Variants in IL11 observed in about 807,000 individuals in gnomAD.
The protein encoded by IL11 is interleukin-11.
A neutral mutation model predicts 18.1 loss-of-function variants in IL11; 17 were observed. That is an observed-to-expected ratio of 0.94 (90% confidence interval 0.64 to 1.41). The LOEUF (loss-of-function observed/expected upper bound fraction) is 1.41, where lower values mean the gene tolerates loss of function less well. Ranked by LOEUF, IL11 falls within the 40% of genes most tolerant of loss-of-function variation. The pLI is 0.00. For missense variants in IL11, 309 were observed against 262.8 expected (o/e 1.18, Z -1.22); for synonymous variants, 144 against 134.1 (o/e 1.07, Z -0.51).
At position 55,366,785 on chromosome 19, in the gene IL11, C is replaced by T. The variant is rs1244657053; in HGVS notation, c.430-608G>A. ...CGAAATGGCACCATTGCACTCTAGC[C>T]TGGGCAACAGAGCGCGAGACTCTGT... On this transcript the variant is annotated intron_variant, in intron 4 of 4. Transcript: ENST00000264563. This position sits in a 1 kb window ranked among gnomAD's most constrained non-coding sequence, Gnocchi z 4.6. 6.6e-6 allele frequency among the ~76,000 whole-genome samples: 1 copy of T among 152,088 alleles called. No homozygotes were observed. Among genetic ancestry groups the T allele is most frequent in the Non-Finnish European group, 1.5e-5 (1 of 68,020 alleles).
intron 2 of IL11, 52 bp downstream of exon 2, chr19:55,368,717 C>G (rs2089802083): frequency 5.9e-6 from 9 of 1,525,736 alleles, no homozygotes; most frequent in South Asian, 2.4e-5. Context: ...GACTCCTCTC[C>G]GTTCCTCTCT....
chr19:55,365,891 C>T lies in IL11; in HGVS notation c.*116G>A, dbSNP rs2089782005. On this transcript the variant is annotated 3_prime_UTR_variant, in exon 5 of 5. Coordinates refer to ENST00000264563, the MANE Select transcript of IL11 (RefSeq NM_000641.4). ...CCCAGGCCTCACGGAAGGACTGTCT[C>T]TAACTAGGGGGAGATAATGGCGGGG... 6.7e-7 allele frequency: 1 copy of T among 1,494,694 alleles called. No individual in the cohort carries two copies. The highest frequency in any genetic ancestry group is 1.4e-5 in the African/African-American group (1 of 70,922). 92.6% of individuals were successfully genotyped at this position (1,494,694 alleles called of 1,614,324 possible).
chr19:55,368,384 CCGGGACAT>C lies in IL11; in HGVS notation c.268-21_268-14del, dbSNP rs765202032. The C allele has an allele frequency of 1.3e-6, 2 of 1,591,360 alleles. No homozygotes were observed. Among genetic ancestry groups the C allele is most frequent in the African/African-American group, 2.7e-5 (2 of 74,602 alleles). On this transcript the variant is annotated splice_polypyrimidine_tract_variant and intron_variant, in intron 3 of 4. Coordinates refer to ENST00000264563, the MANE Select transcript of IL11 (RefSeq NM_000641.4). ...GCACACCTGGGAGCTGGGGATAGAGCCGGGACATCAGAGAACACCCGACCAGTGCCCCT... is the reference window on the plus strand; with the variant it reads ...GCACACCTGGGAGCTGGGGATAGAGCCAGAGAACACCCGACCAGTGCCCCT...
At chr19:55,370,148 T>G (rs2089813685) in intron 1 of IL11, among the ~76,000 whole-genome samples, 156 bp downstream of exon 1, 1 of 151,628 alleles carries the variant, frequency 6.6e-6, no homozygotes, top group Non-Finnish European at 1.5e-5. Context: ...GCCCATCTCC[T>G]CCGCCGCCTC....
In IL11 at chr19:55,368,881, C is replaced by T. The variant is rs2123243169; in HGVS notation, c.68G>A (p.Gly23Glu). The change falls in exon 2 of 5, where the codon GGG becomes GAG. Residue 23 changes from glycine (G) to glutamate (E), a missense_variant. Gly to Glu is a moderately conservative substitution (Grantham distance 98). Coordinates refer to ENST00000264563, the MANE Select transcript of IL11 (RefSeq NM_000641.4). ...AACTCGAGGGGGGCCAGGTGGTGGC[C>T]CAGGGGCGACAGCTGTATCTGGCCA... ...SLWPDTAVAP[G>E]PPPGPPRVSP... 6.4e-7 allele frequency: 1 copy of T among 1,567,710 alleles called. No homozygotes were observed. The highest frequency in any genetic ancestry group is 8.6e-7 in the Non-Finnish European group (1 of 1,156,166).
Position 55,366,264 on chromosome 19 carries a change from G to A in IL11, c.430-87C>T. On this transcript the variant is annotated intron_variant, in intron 4 of 4. Coordinates refer to ENST00000264563, the MANE Select transcript of IL11 (RefSeq NM_000641.4). This position sits in a 1 kb window ranked among gnomAD's most constrained non-coding sequence, Gnocchi z 4.6. Reference sequence around the variant, plus strand: ...GTGCTGTGGAGCTGCAGCTGAATCGGGGCTGCATATTCACAGGGGGACTGT... The same window carrying A: ...GTGCTGTGGAGCTGCAGCTGAATCGAGGCTGCATATTCACAGGGGGACTGT... The A allele has an allele frequency of 7.2e-7, 1 of 1,382,040 alleles. No homozygotes were observed. The highest frequency in any genetic ancestry group is 2.8e-5 in the East Asian group (1 of 36,348). The allele number at this position is 1,382,040 out of a possible 1,614,324, so 85.6% of individuals were successfully genotyped here.
In IL11 at chr19:55,365,916, G is replaced by A; in HGVS notation, c.*91C>T. 1.3e-6 allele frequency: 2 copies of A among 1,534,676 alleles called. No individual in the cohort carries two copies. The highest frequency in any genetic ancestry group is 8.8e-7 in the Non-Finnish European group (1 of 1,138,940). On this transcript the variant is annotated 3_prime_UTR_variant, in exon 5 of 5. Coordinates refer to ENST00000264563, the MANE Select transcript of IL11 (RefSeq NM_000641.4). ...CTAACTAGGGGGAGATAATGGCGGG[G>A]GGATCACCTGGCTGTTTCGCCCCCA... is the stretch of plus-strand genomic sequence containing the variant.
Position 55,366,004 on chromosome 19 carries a change from G to A in IL11, c.*3C>T, listed in dbSNP as rs115572810. ...AAGGACGGTGGTGGCTTTGGGCCCC[G>A]GGTCACAGCCGAGTCTTCAGCAGCA... On this transcript the variant is annotated 3_prime_UTR_variant, in exon 5 of 5. Transcript: ENST00000264563. The surrounding 1 kb of genome is among the most constrained non-coding windows in gnomAD (Gnocchi z 4.6). The A allele has an allele frequency of 2.8e-5, 44 of 1,597,812 alleles. No individual in the cohort carries two copies. Among genetic ancestry groups the A allele is most frequent in the East Asian group, 6.8e-5 (3 of 44,256 alleles).
In IL11 at chr19:55,368,791, G is replaced by C. The variant is rs867906886; in HGVS notation, c.158C>G (p.Thr53Arg). 1 of 1,589,424 alleles carries C rather than the reference G, an allele frequency of 6.3e-7. No individual in the cohort carries two copies. Among genetic ancestry groups the C allele is most frequent in the African/African-American group, 1.3e-5 (1 of 74,872 alleles). ...VLLTRSLLAD[T>R]RQLAAQLRDK... ...TACCAGCTGTGCAGCCAGCTGCCGC[G>C]TGTCCGCCAGGAGAGAGCGGGTCAG... is the stretch of plus-strand genomic sequence containing the variant. The change falls in exon 2 of 5, where the codon ACG becomes AGG. Residue 53 changes from threonine (T) to arginine (R), a missense_variant. Thr to Arg is a moderately conservative substitution (Grantham distance 71, BLOSUM62 -1). Coordinates refer to ENST00000264563, the MANE Select transcript of IL11 (RefSeq NM_000641.4).
intron 4 of IL11, 41 bp downstream of exon 4, chr19:55,368,169 G>C: frequency 6.7e-7 from 1 of 1,482,022 alleles, no homozygotes; most frequent in Non-Finnish European, 9.0e-7. Flanking sequence ...TGGGGCCAGG[G>C]GTGGGGGTCT....
At chr19:55,368,076 T>C in intron 4 of IL11, 134 bp downstream of exon 4, 2 of 720,062 alleles carry the variant, frequency 2.8e-6, no homozygotes, top group South Asian at 3.7e-5. Flanking sequence ...CAGAGCGGGC[T>C]GTTAGGGTGT....
rs772874384 is a variant in IL11, at chr19:55,368,284, G to A, written c.355C>T (p.Leu119=). Residue 119 remains leucine (L), a synonymous_variant, in exon 4 of 5, where the codon CTG becomes TTG. Coordinates refer to ENST00000264563, the MANE Select transcript of IL11 (RefSeq NM_000641.4). ...CCCAGCTCGGGCTCCAGGGTCTTCA[G>A]GGAAGAGCCACCTGCCCGGCGCAGC... ...QWLRRAGGSS[L]KTLEPELGTL... The A allele has an allele frequency of 1.0e-5, 16 of 1,565,466 alleles. No individual in the cohort carries two copies. The South Asian group carries it at 1.8e-4, about 17-fold the overall frequency.
At chr19:55,367,450 CTTTTTTTT>C (rs980514763) in intron 4 of IL11, among the ~76,000 whole-genome samples, 1 of 69,816 alleles carries the variant, frequency 1.4e-5, no homozygotes, top group East Asian at 4.9e-4. Flanking sequence ...TCTTTTCCTT[CTTTTTTTT>C]TTTTTTTTTT....
rs2089777632 is a variant in IL11, at chr19:55,365,195, A to C, written c.*812T>G. 1 of 152,136 alleles carries C rather than the reference A, an allele frequency of 6.6e-6. No individual in the cohort carries two copies. 9.4% of individuals were successfully genotyped at this position (152,136 alleles called of 1,614,324 possible). A position where few individuals can be genotyped will look rare whatever the true frequency, so the allele number is the denominator to read the frequency against. The stretch of plus-strand genomic sequence containing the variant: ...TCTCTACTAAAAATACAAAAGAAAT[A>C]AATAATTAGCTGGGCATGGTGGTGC... On this transcript the variant is annotated 3_prime_UTR_variant, in exon 5 of 5. Transcript: ENST00000264563.
intron 4 of IL11, 99 bp downstream of exon 4, chr19:55,368,111 C>T: frequency 1.9e-6 from 2 of 1,063,400 alleles, no homozygotes; most frequent in Non-Finnish European, 1.3e-6. Flanking sequence ...GGGGCTGTTG[C>T]ACTCGGGTCT....
At position 55,369,012 on chromosome 19, in the gene IL11, T is replaced by A; in HGVS notation, c.8-71A>T. 1 of 1,375,924 alleles carries A rather than the reference T, an allele frequency of 7.3e-7. No homozygotes were observed. Among genetic ancestry groups the A allele is most frequent in the Non-Finnish European group, 9.7e-7 (1 of 1,033,758 alleles). The allele number at this position is 1,375,924 out of a possible 1,614,324, so 85.2% of individuals were successfully genotyped here. A position where few individuals can be genotyped will look rare whatever the true frequency, so the allele number is the denominator to read the frequency against. ...GAGAGAGGAGGGCCTGGGCCTGGAC[T>A]CCCGGGTCTGAGGGAGGAGGAACTG... On this transcript the variant is annotated intron_variant, in intron 1 of 4. Transcript: ENST00000264563. The surrounding 1 kb of genome is among the most constrained non-coding windows in gnomAD (Gnocchi z 6.1).
chr19:55,365,611 C>G lies in IL11; in HGVS notation c.*396G>C. The G allele has an allele frequency of 4.8e-6, 1 of 208,690 alleles. No homozygotes were observed. The highest frequency in any genetic ancestry group is 9.6e-6 in the Non-Finnish European group (1 of 104,606). The allele number at this position is 208,690 out of a possible 1,614,324, so 12.9% of individuals were successfully genotyped here. On this transcript the variant is annotated 3_prime_UTR_variant, in exon 5 of 5. Transcript: ENST00000264563. ...TTCTCTGTCTCACAAAGGTTTCTCA[C>G]ATTTTTGTACAAAAACCCAGGCTTC...
intron 1 of IL11, 55 bp downstream of exon 1, chr19:55,370,249 G>A: frequency 7.4e-7 from 1 of 1,352,262 alleles, no homozygotes; most frequent in Non-Finnish European, 1.0e-6. Flanking sequence ...CCCGCCGTGG[G>A]TCCCTCTCCT....
In IL11 at chr19:55,366,158, G is replaced by T. The variant is rs1414277901; in HGVS notation, c.449C>A (p.Pro150His). The change falls in exon 5 of 5, where the codon CCC becomes CAC. Residue 150 changes from proline to histidine, a missense_variant. Coordinates refer to ENST00000264563, the MANE Select transcript of IL11 (RefSeq NM_000641.4). This position sits in a 1 kb window ranked among gnomAD's most constrained non-coding sequence, Gnocchi z 4.6. The part of the protein sequence containing the change: ...LQLLMSRLAL[P>H]QPPPDPPAPP... ...CGCCGGCGGGTCCGGGGGTGGCTGG[G>T]GCAGGGCCAGGCGGGACATCTGTGG... The T allele has an allele frequency of 6.7e-7, 1 of 1,495,600 alleles. No homozygotes were observed. Among genetic ancestry groups the T allele is most frequent in the African/African-American group, 1.4e-5 (1 of 70,606 alleles). The allele number at this position is 1,495,600 out of a possible 1,614,324, so 92.6% of individuals were successfully genotyped here. A position where few individuals can be genotyped will look rare whatever the true frequency, so the allele number is the denominator to read the frequency against.
Sources: allele counts gnomAD v4.1 joint callset (sites outside exome capture counted in the v4.1 genomes callset), GRCh38; gene constraint gnomAD v4.1.1; non-coding constraint Gnocchi (gnomAD v3.1); transcripts MANE v1.5; gene names NCBI Gene and HGNC (gene_info 2026-07-23, HGNC 2026-07-21).